Variants in MFAP2 observed in about 807,000 individuals in gnomAD.
MFAP2 encodes the protein microfibril associated protein 2, also known as microfibrillar-associated protein 2.
A neutral mutation model predicts 30.6 loss-of-function variants in MFAP2; 23 were observed. The ratio of observed to expected loss-of-function variants is 0.75; its 90% CI spans 0.54 to 1.07. The LOEUF is 1.07. MFAP2 is among the 50% of genes least tolerant of loss of function. The pLI is 0.00. For missense variants in MFAP2, 198 were observed against 223.8 expected (o/e 0.88, Z 0.74); for synonymous variants, 73 against 85.7 (o/e 0.85, Z 0.82).
rs970151620 is a variant in MFAP2 at position 16,979,859 on chromosome 1, G to A, written c.-42+728C>T. Among the ~76,000 whole-genome samples the A allele has an allele frequency of 3.3e-5, 5 of 152,298 alleles. No homozygotes were observed. In the East Asian group the frequency reaches 9.7e-4, roughly 29 times the overall value. ...GGCTAGCGGGGAGGCAGGAAAGAGAGAAGTCAGTGTGGAGTTCATGAACTC... is the reference window on the plus strand; with the variant it reads ...GGCTAGCGGGGAGGCAGGAAAGAGAAAAGTCAGTGTGGAGTTCATGAACTC... On this transcript the variant is annotated intron_variant, in intron 1 of 8. Coordinates refer to ENST00000375535, the MANE Select transcript of MFAP2 (RefSeq NM_002403.4).
rs753064517 is a variant in MFAP2, at chr1:16,977,127, G to A, written c.109C>T (p.His37Tyr). ...PPFPDHVQYTHYSDQIDNPDY... is the reference protein window; with the variant it reads ...PPFPDHVQYTYYSDQIDNPDY... ...CCCTTACCGATCTGGTCGCTATAGT[G>A]GGTGTACTGGACGTGGTCAGGGAAC... is the stretch of plus-strand genomic sequence containing the variant. The change falls in exon 3 of 9, where the codon CAC becomes TAC. Residue 37 changes from histidine to tyrosine, a missense_variant. His to Tyr is a moderately conservative substitution (Grantham distance 83, BLOSUM62 2). Transcript: ENST00000375535. 27 of 1,613,814 alleles carry A rather than the reference G, an allele frequency of 1.7e-5. No individual in the cohort carries two copies. The highest frequency in any genetic ancestry group is 2.3e-5 in the Non-Finnish European group (27 of 1,179,994).
Position 16,976,991 on chromosome 1 carries a change from G to A in MFAP2, c.128-68C>T. On this transcript the variant is annotated intron_variant, in intron 3 of 8. Transcript: ENST00000375535. This position sits in a 1 kb window ranked among gnomAD's most constrained non-coding sequence, Gnocchi z 5.5. The stretch of plus-strand genomic sequence containing the variant: ...ATCCCCCAGCCCCTGGGGCAAACAA[G>A]TTCCCTCCTGAGCCAGGGACCAACC... 1.9e-6 allele frequency: 3 copies of A among 1,613,540 alleles called. 1 individual carries two copies. The highest frequency in any genetic ancestry group is 1.1e-5 in the South Asian group (1 of 91,074).
At chr1:16,978,081 T>C in intron 2 of MFAP2, 156 bp downstream of exon 2, 2 of 759,178 alleles carry the variant, frequency 2.6e-6, no homozygotes, top group Non-Finnish European at 4.2e-6. Context: ...GGTTGGCTGG[T>C]CCAGTCTGTG....
chr1:16,981,502 C>T (rs1028373810), upstream of MFAP2, among the ~76,000 whole-genome samples: 3 of 152,198 alleles, frequency 2.0e-5, no homozygotes, highest in African/African-American at 2.4e-5. Flanking sequence ...AGCACCCACC[C>T]GTGAATGCTA....
rs1335502554 is a variant in MFAP2 at position 16,974,968 on chromosome 1, C to T, written c.504G>A (p.Leu168=). ...SKCGVMASSG[L]CQSVAASCAR... ...CACAGGAGGCCGCCACGGATTGGCACAGGCCGCTGCTGGCCATCACGCCAC... is the reference window on the plus strand; with the variant it reads ...CACAGGAGGCCGCCACGGATTGGCATAGGCCGCTGCTGGCCATCACGCCAC... The change falls in exon 9 of 9, where the codon CTG becomes CTA. Residue 168 remains leucine, a synonymous_variant. Transcript: ENST00000375535. The T allele has an allele frequency of 6.5e-6, 7 of 1,080,560 alleles. No homozygotes were observed. The East Asian group carries it at 1.3e-4, about 20-fold the overall frequency. The allele number at this position is 1,080,560 out of a possible 1,614,324, so 66.9% of individuals were successfully genotyped here. A position where few individuals can be genotyped will look rare whatever the true frequency, so the allele number is the denominator to read the frequency against.
chr1:16,978,396 C>G (rs1244524978), intron 1 of MFAP2, 82 bp from the exon 2 acceptor site: 1 of 1,227,156 alleles, frequency 8.1e-7, no homozygotes, highest in East Asian at 2.6e-5. Context: ...TGATTTCGCC[C>G]TGGAGAAGGT....
At chr1:16,981,265 G>A (rs914136290), upstream of MFAP2, among the ~76,000 whole-genome samples, 1 of 152,206 alleles carries the variant, frequency 6.6e-6, no homozygotes, top group Non-Finnish European at 1.5e-5. Context: ...TTACAGGCAT[G>A]AGTCCCTGCC....
intron 1 of MFAP2, among the ~76,000 whole-genome samples, chr1:16,979,869 T>G (rs1349372707): frequency 6.6e-6 from 1 of 152,138 alleles, no homozygotes. Flanking sequence ...GAAGTCAGTG[T>G]GGAGTTCATG....
chr1:16,977,060 C>T, intron 3 of MFAP2, 49 bp downstream of exon 3: 1 of 1,613,118 alleles, frequency 6.2e-7, no homozygotes, highest in Non-Finnish European at 8.5e-7. Flanking sequence ...CCTGGCTGAG[C>T]CAGGCACATC....
chr1:16,977,935 A>G, intron 2 of MFAP2: 1 of 352,792 alleles, frequency 2.8e-6, no homozygotes, highest in Non-Finnish European at 5.3e-6. Flanking sequence ...CTGCACCTGC[A>G]CATCGGCTCC....
In MFAP2 at chr1:16,976,582, A is replaced by AG; in HGVS notation, c.242-38dup. 6.2e-7 allele frequency: 1 copy of AG among 1,614,050 alleles called. No individual in the cohort carries two copies. Among genetic ancestry groups the AG allele is most frequent in the East Asian group, 2.2e-5 (1 of 44,868 alleles). On this transcript the variant is annotated intron_variant, in intron 5 of 8. Coordinates refer to ENST00000375535, the MANE Select transcript of MFAP2 (RefSeq NM_002403.4). The surrounding 1 kb of genome is among the most constrained non-coding windows in gnomAD (Gnocchi z 5.5). The stretch of plus-strand genomic sequence containing the variant: ...ACAGAGGTAGGCAGACATCACTGGG[A>AG]GGGGTCTCCTCAGGGCAAGGGGAGT...
chr1:16,976,539 C>T lies in MFAP2; in HGVS notation c.248G>A (p.Gly83Glu). ...EVIPAPTPEPGNAELEPTEPG... is the reference protein window; with the variant it reads ...EVIPAPTPEPENAELEPTEPG... ...CTCTGTGGGCTCCAGCTCTGCATTT[C>T]CTGGTTCTGGTGTGGAGACAGAGGT... The change falls in exon 6 of 9, where the codon GGA (glycine) becomes GAA (glutamate). Residue 83 changes from glycine to glutamate, a missense_variant. Physicochemically the swap from Gly to Glu is moderately conservative, Grantham distance 98. Coordinates refer to ENST00000375535, the MANE Select transcript of MFAP2 (RefSeq NM_002403.4). This position sits in a 1 kb window ranked among gnomAD's most constrained non-coding sequence, Gnocchi z 5.5. The T allele has an allele frequency of 6.2e-7, 1 of 1,614,236 alleles. No homozygotes were observed. The highest frequency in any genetic ancestry group is 8.5e-7 in the Non-Finnish European group (1 of 1,180,030).
intron 2 of MFAP2, 194 bp downstream of exon 2, chr1:16,978,043 G>T: frequency 1.8e-6 from 1 of 565,354 alleles, no homozygotes; most frequent in East Asian, 3.4e-5. Context: ...TGGGGGAAGG[G>T]CCAGGAGCTG....
In MFAP2 at chr1:16,976,602, G is replaced by C. The variant is rs534945660; in HGVS notation, c.242-57C>G. On this transcript the variant is annotated intron_variant, in intron 5 of 8. Transcript: ENST00000375535. This position sits in a 1 kb window ranked among gnomAD's most constrained non-coding sequence, Gnocchi z 5.5. ...CTGGGAGGGGTCTCCTCAGGGCAAGGGGAGTCACCTCTCCCAGCCCTGGCA... is the reference window on the plus strand; with the variant it reads ...CTGGGAGGGGTCTCCTCAGGGCAAGCGGAGTCACCTCTCCCAGCCCTGGCA... 67 of 1,612,936 alleles carry C rather than the reference G, an allele frequency of 4.2e-5. No individual in the cohort carries two copies. The highest frequency in any genetic ancestry group is 5.4e-5 in the Non-Finnish European group (64 of 1,178,894).
Position 16,978,243 on chromosome 1 carries a change from G to A in MFAP2, c.31C>T (p.Leu11=), listed in dbSNP as rs2076609417. ...TGCCCCAGGAGCCACTTACCAGGCA[G>A]GAATAGCAGGAAGAGGTAGGCAGCT... MRAAYLFLLF[L]PAGLLAQGQY... is the part of the protein sequence containing the mutation. Residue 11 remains leucine (L), a synonymous_variant, in exon 2 of 9, where the codon CTG becomes TTG. Transcript: ENST00000375535. 6.3e-7 allele frequency: 1 copy of A among 1,575,216 alleles called. No homozygotes were observed. Among genetic ancestry groups the A allele is most frequent in the Admixed American group, 1.9e-5 (1 of 52,964 alleles).
intron 1 of MFAP2, among the ~76,000 whole-genome samples, chr1:16,980,266 G>GGC (rs1557656617): frequency 1.5e-5 from 1 of 66,636 alleles, no homozygotes; most frequent in Non-Finnish European, 3.2e-5. Flanking sequence ...ATTCCCACCG[G>GGC]ACCCCCCCCC....
upstream of MFAP2, among the ~76,000 whole-genome samples, chr1:16,981,568 T>C (rs982327647): frequency 6.6e-6 from 1 of 152,250 alleles, no homozygotes; most frequent in Non-Finnish European, 1.5e-5. Context: ...CCTAAGCCAC[T>C]GTGAGACCAA....
At chr1:16,979,701 T>G (rs1485481915) in intron 1 of MFAP2, among the ~76,000 whole-genome samples, 1 of 152,192 alleles carries the variant, frequency 6.6e-6, no homozygotes, top group African/African-American at 2.4e-5. Context: ...CCCCCGCTGC[T>G]CAGCAGAAGG....
In MFAP2 at chr1:16,975,710, G is replaced by A; in HGVS notation, c.307C>T (p.Pro103Ser). 1 of 1,613,542 alleles carries A rather than the reference G, an allele frequency of 6.2e-7. No individual in the cohort carries two copies. The highest frequency in any genetic ancestry group is 8.5e-7 in the Non-Finnish European group (1 of 1,179,766). The change falls in exon 7 of 9, where the codon CCG becomes TCG. Residue 103 changes from proline to serine, a missense_variant. By Grantham distance (74) the Pro-to-Ser change is moderately conservative. Transcript: ENST00000375535. This position sits in a 1 kb window ranked among gnomAD's most constrained non-coding sequence, Gnocchi z 5.0. The part of the protein sequence containing the change: ...GPLDCREEQY[P>S]CTRLYSIHRP... ...TGTATGGAGTAGAGGCGGGTGCACG[G>A]GTACTGTTCCTCACGGCAGTCTGGT... is the stretch of plus-strand genomic sequence containing the variant.
Sources: allele counts gnomAD v4.1 joint callset (sites outside exome capture counted in the v4.1 genomes callset), GRCh38; gene constraint gnomAD v4.1.1; non-coding constraint Gnocchi (gnomAD v3.1); transcripts MANE v1.5; gene names NCBI Gene and HGNC (gene_info 2026-07-23, HGNC 2026-07-21).